Variants in RBFOX1 observed in about 807,000 individuals in gnomAD.
RBFOX1 encodes the protein RNA binding fox-1 homolog 1.
Under a neutral mutation model 57.7 loss-of-function variants are expected in RBFOX1, and 8 were observed. The observed-to-expected ratio is 0.14, with a 90% CI of 0.08 to 0.25. RBFOX1 has a LOEUF of 0.25. Ranked by LOEUF, RBFOX1 falls within the 10% of genes least tolerant of loss-of-function variation. The pLI is 1.00. For synonymous variants in RBFOX1, 326 were observed against 222.4 expected (o/e 1.47, Z -4.15); for missense variants, 611 against 548.5 (o/e 1.11, Z -1.14).
intron 2 of RBFOX1, among the ~76,000 whole-genome samples, chr16:5,531,416 C>G (rs1424827504): frequency 6.6e-6 from 1 of 152,156 alleles, no homozygotes; most frequent in Non-Finnish European, 1.5e-5. Context: ...AAATTGAGAA[C>G]TCACAAAGGC....
At chr16:7,592,211 G>T (rs757781240) in intron 7 of RBFOX1, among the ~76,000 whole-genome samples, 1 of 152,100 alleles carries the variant, frequency 6.6e-6, no homozygotes, top group Non-Finnish European at 1.5e-5. Flanking sequence ...AAGAAGTTTC[G>T]CAGAAAAACA....
At chr16:7,397,926 G>C (rs776658666) in intron 4 of RBFOX1, among the ~76,000 whole-genome samples, 1 of 151,872 alleles carries the variant, frequency 6.6e-6, no homozygotes, top group Non-Finnish European at 1.5e-5. Context: ...GCCCTACTTG[G>C]CTCTTAAATT....
At chr16:6,910,404 TTA>T (rs2071258641) in intron 3 of RBFOX1, among the ~76,000 whole-genome samples, 1 of 152,142 alleles carries the variant, frequency 6.6e-6, no homozygotes, top group Admixed American at 6.5e-5. Flanking sequence ...AGCTTTAACT[TTA>T]TCTCAGGAAT....
chr16:7,337,709 G>C (rs1260280638), intron 4 of RBFOX1, among the ~76,000 whole-genome samples: 1 of 152,160 alleles, frequency 6.6e-6, no homozygotes. Context: ...TTTTGAGATG[G>C]AGTCTCACTC....
intron 4 of RBFOX1, among the ~76,000 whole-genome samples, chr16:7,179,399 C>T (rs2082264296): frequency 6.6e-6 from 1 of 152,128 alleles, no homozygotes; most frequent in Non-Finnish European, 1.5e-5. Flanking sequence ...TTTTCTCTGC[C>T]TTCCATCTCT....
chr16:6,813,512 T>C (rs2089292212), intron 3 of RBFOX1, among the ~76,000 whole-genome samples: 1 of 152,212 alleles, frequency 6.6e-6, no homozygotes, highest in Admixed American at 6.5e-5. Context: ...CCCTATGCTA[T>C]GATCTGTCAC....
At chr16:6,875,739 C>T (rs2881227) in intron 3 of RBFOX1, among the ~76,000 whole-genome samples, 35,551 of 152,000 alleles carry the variant, frequency 0.23, 4,318 homozygotes, top group East Asian at 0.28. Context: ...GCATGGTGGC[C>T]CATGCCTGTA....
chr16:6,205,630 G>A (rs999266275), intron 1 of RBFOX1, among the ~76,000 whole-genome samples: 1 of 152,082 alleles, frequency 6.6e-6, no homozygotes, highest in Non-Finnish European at 1.5e-5. Flanking sequence ...GGTAAAGGCT[G>A]TGAGTCTTCA....
chr16:5,308,777 A>G (rs529789448), intron 1 of RBFOX1, among the ~76,000 whole-genome samples: 6 of 150,556 alleles, frequency 4.0e-5, no homozygotes, highest in Admixed American at 3.3e-4. Flanking sequence ...TTTGTCTTAT[A>G]TTAAGTATAC....
At chr16:5,972,220 C>G (rs2059975882) in intron 4 of RBFOX1, among the ~76,000 whole-genome samples, 1 of 152,122 alleles carries the variant, frequency 6.6e-6, no homozygotes, top group Non-Finnish European at 1.5e-5. Flanking sequence ...CACACACCCT[C>G]CCTCCCTCCC....
At chr16:6,383,962 T>G (rs2092046361) in intron 2 of RBFOX1, among the ~76,000 whole-genome samples, 1 of 151,986 alleles carries the variant, frequency 6.6e-6, no homozygotes, top group African/African-American at 2.4e-5. Context: ...AAGAGAACAA[T>G]TTCTCCTTCT....
At chr16:7,694,922 T>A (rs761867720) in intron 14 of RBFOX1, among the ~76,000 whole-genome samples, 2 of 152,202 alleles carry the variant, frequency 1.3e-5, no homozygotes, top group African/African-American at 2.4e-5. Context: ...TGTTCCAGTA[T>A]GTTAGGTTAT....
intron 1 of RBFOX1, among the ~76,000 whole-genome samples, chr16:5,301,146 G>C (rs886857349): frequency 3.3e-5 from 5 of 152,172 alleles, no homozygotes; most frequent in Non-Finnish European, 7.3e-5. Flanking sequence ...TTTACAGAAA[G>C]ACCGTTGCTT....
chr16:5,976,576 A>G (rs1166414488), intron 4 of RBFOX1, among the ~76,000 whole-genome samples: 1 of 152,132 alleles, frequency 6.6e-6, no homozygotes, highest in Non-Finnish European at 1.5e-5. Context: ...ATCCTTGAAA[A>G]CAGTATTTGA....
At position 6,498,262 on chromosome 16, in the gene RBFOX1, A is replaced by C. The variant is rs978863027; in HGVS notation, c.-63-156341A>C. Among the ~76,000 whole-genome samples, 71 of 151,984 alleles carry C rather than the reference A, an allele frequency of 4.7e-4. 1 individual carries two copies. The highest frequency in any genetic ancestry group is 1.0e-3 in the South Asian group (5 of 4,796). On this transcript the variant is annotated intron_variant, in intron 2 of 15. Transcript: ENST00000550418. The stretch of plus-strand genomic sequence containing the variant: ...GAGGAACTCCGTCTCAAAACAAAAA[A>C]AAAAAAAAGGATGACAATTCCAGAT...
chr16:5,645,590 C>G (rs1196170754), intron 3 of RBFOX1, among the ~76,000 whole-genome samples: 1 of 152,202 alleles, frequency 6.6e-6, no homozygotes, highest in African/African-American at 2.4e-5. Context: ...AAAAGAGTCT[C>G]ATATATACAT....
chr16:5,895,561 G>T (rs539864905), intron 4 of RBFOX1, among the ~76,000 whole-genome samples: 15 of 152,314 alleles, frequency 9.8e-5, no homozygotes, highest in African/African-American at 2.6e-4. Flanking sequence ...TACTGAGCTG[G>T]AGAAGGGTCT....
intron 3 of RBFOX1, among the ~76,000 whole-genome samples, chr16:6,828,249 G>A (rs1353777944): frequency 6.6e-6 from 1 of 152,110 alleles, no homozygotes; most frequent in African/African-American, 2.4e-5. Context: ...TTTCAGGCCA[G>A]GCACAGTGGC....
At chr16:6,760,506 C>T (rs1435558234) in intron 3 of RBFOX1, among the ~76,000 whole-genome samples, 1 of 152,120 alleles carries the variant, frequency 6.6e-6, no homozygotes, top group African/African-American at 2.4e-5. Flanking sequence ...TCACAGCGGA[C>T]TGAGTGGTAT....
Sources: gnomAD v4.1 joint callset for allele counts (sites outside exome capture counted in the v4.1 genomes callset) on GRCh38, gnomAD v4.1.1 for gene constraint, MANE v1.5 for transcripts, NCBI Gene and HGNC (gene_info 2026-07-23, HGNC 2026-07-21) for gene names.